DGKB: variants seen among roughly 807,000 people sequenced by gnomAD.
DGKB encodes 90 kDa diacylglycerol kinase.
DGKB carries 67 observed loss-of-function variants against 114.3 expected under a neutral mutation model. The observed-to-expected ratio is 0.59, with a 90% CI of 0.48 to 0.72. The LOEUF (loss-of-function observed/expected upper bound fraction) is 0.72. Ranked by LOEUF, DGKB falls within the 30% of genes least tolerant of loss-of-function variation. DGKB has a pLI of 0.00. For missense variants in DGKB, 907 were observed against 975.2 expected (o/e 0.93, Z 0.93); for synonymous variants, 398 against 323.1 (o/e 1.23, Z -2.49).
intron 23 of DGKB, among the ~76,000 whole-genome samples, chr7:14,218,261 C>G (rs1442556375): frequency 6.6e-6 from 1 of 152,038 alleles, no homozygotes; most frequent in Non-Finnish European, 1.5e-5. Context: ...ATTTTCCAAA[C>G]AGATCATACA....
intron 21 of DGKB, among the ~76,000 whole-genome samples, chr7:14,415,990 G>T (rs1825674128): frequency 6.6e-6 from 1 of 152,106 alleles, no homozygotes; most frequent in African/African-American, 2.4e-5. Flanking sequence ...GTATCTCATT[G>T]TGGTTTTGAT....
At chr7:14,817,196 C>T (rs1343761444) in intron 2 of DGKB, among the ~76,000 whole-genome samples, 1 of 152,064 alleles carries the variant, frequency 6.6e-6, no homozygotes. Flanking sequence ...GTTATGGTTG[C>T]CCCTAACACA....
chr7:14,382,771 T>C (rs1384101475), intron 21 of DGKB, among the ~76,000 whole-genome samples: 3 of 152,002 alleles, frequency 2.0e-5, no homozygotes, highest in Non-Finnish European at 4.4e-5. Flanking sequence ...TAACAGAGAG[T>C]GCTTGAAGAA....
chr7:14,731,038 C>T (rs1236227590), intron 5 of DGKB, among the ~76,000 whole-genome samples: 1 of 151,940 alleles, frequency 6.6e-6, no homozygotes, highest in Non-Finnish European at 1.5e-5. Context: ...ACTGGCAGAA[C>T]GTTTGGGAAG....
At position 14,373,604 on chromosome 7, in the gene DGKB, C is replaced by G. The variant is rs569357689; in HGVS notation, c.1836-28213G>C. Among the ~76,000 whole-genome samples, 18 of 152,142 alleles carry G rather than the reference C, an allele frequency of 1.2e-4. No individual in the cohort carries two copies. The South Asian group carries it at 3.7e-3, about 32-fold the overall frequency. The stretch of plus-strand genomic sequence containing the variant: ...TATTGGCTGATGCAAGAATAAAGCC[C>G]ATGAAAAAGAAAGGGAAGGGACAAC... On this transcript the variant is annotated intron_variant, in intron 21 of 25. Coordinates refer to ENST00000402815, the MANE Select transcript of DGKB (RefSeq NM_001350709.2).
At chr7:14,824,640 C>T (rs538041294) in intron 2 of DGKB, among the ~76,000 whole-genome samples, 1 of 152,120 alleles carries the variant, frequency 6.6e-6, no homozygotes, top group African/African-American at 2.4e-5. Flanking sequence ...TTTGCTTTGT[C>T]ACAGCACGTC....
intron 21 of DGKB, among the ~76,000 whole-genome samples, chr7:14,347,825 C>A (rs1812739604): frequency 6.6e-6 from 1 of 152,096 alleles, no homozygotes; most frequent in African/African-American, 2.4e-5. Flanking sequence ...TAATTAGCTT[C>A]ATTGTGATAA....
chr7:14,371,351 T>G (rs1817606843), intron 21 of DGKB, among the ~76,000 whole-genome samples: 1 of 152,194 alleles, frequency 6.6e-6, no homozygotes, highest in African/African-American at 2.4e-5. Context: ...TTTGACTTTT[T>G]AATTATAGCC....
chr7:14,367,501 C>T (rs1214341574), intron 21 of DGKB, among the ~76,000 whole-genome samples: 1 of 152,058 alleles, frequency 6.6e-6, no homozygotes, highest in East Asian at 1.9e-4. Flanking sequence ...GAGGCCTCCC[C>T]AGCCACATGG....
intron 2 of DGKB, among the ~76,000 whole-genome samples, chr7:14,762,000 C>T (rs1053788670): frequency 6.6e-6 from 1 of 152,110 alleles, no homozygotes; most frequent in Non-Finnish European, 1.5e-5. Context: ...CTATGCTTGG[C>T]TTGACTGGCA....
intron 15 of DGKB, among the ~76,000 whole-genome samples, chr7:14,620,250 T>G (rs892662648): frequency 6.6e-6 from 1 of 151,310 alleles, no homozygotes; most frequent in African/African-American, 2.4e-5. Flanking sequence ...AATTCCCTCC[T>G]TTTATATTTG....
At chr7:14,590,749 G>A (rs903468751) in intron 17 of DGKB, among the ~76,000 whole-genome samples, 4 of 152,030 alleles carry the variant, frequency 2.6e-5, no homozygotes, top group Admixed American at 2.6e-4. Flanking sequence ...ACACCACGTG[G>A]TTTGTTGGGC....
intron 1 of DGKB, among the ~76,000 whole-genome samples, chr7:14,860,122 TAAC>T (rs1850755644): frequency 6.6e-6 from 1 of 152,080 alleles, no homozygotes; most frequent in Admixed American, 6.6e-5. Flanking sequence ...TGATACACTC[TAAC>T]AACAATATGC....
chr7:14,842,902 T>C (rs1848129820), intron 1 of DGKB, among the ~76,000 whole-genome samples: 1 of 152,138 alleles, frequency 6.6e-6, no homozygotes, highest in African/African-American at 2.4e-5. Context: ...CAGAAGCTTG[T>C]GATATTCTTT....
chr7:14,333,333 T>C (rs1011556796), intron 23 of DGKB, among the ~76,000 whole-genome samples: 2 of 151,046 alleles, frequency 1.3e-5, no homozygotes, highest in Non-Finnish European at 3.0e-5. Context: ...TGGTGGCGGG[T>C]GCCTGCAGTC....
Position 14,696,999 on chromosome 7 carries a change from A to G in DGKB, c.591+1096T>C, listed in dbSNP as rs182031137. Among the ~76,000 whole-genome samples, 286 of 152,310 alleles carry G rather than the reference A, an allele frequency of 1.9e-3. 2 individuals are homozygous for G. The highest frequency in any genetic ancestry group is 6.6e-3 in the African/African-American group (276 of 41,552). On this transcript the variant is annotated intron_variant, in intron 8 of 25. Coordinates refer to ENST00000402815, the MANE Select transcript of DGKB (RefSeq NM_001350709.2). ...TAAAATGTAAAATCATTTAAATAAA[A>G]TTTATTTGCATTGCTTTATTCATAT...
At chr7:14,380,718 T>C (rs954812949) in intron 21 of DGKB, among the ~76,000 whole-genome samples, 7 of 152,198 alleles carry the variant, frequency 4.6e-5, no homozygotes, top group African/African-American at 1.2e-4. Context: ...TGAGGGTCTG[T>C]TGAGTGCAAA....
In DGKB at chr7:14,353,355, G is replaced by C. The variant is rs965075880; in HGVS notation, c.1836-7964C>G. ...AGCTGACTAATGGAACCTGAGGGAA[G>C]TATACCGTGGGCATCTAGGAAAGAT... is the stretch of plus-strand genomic sequence containing the variant. On this transcript the variant is annotated intron_variant, in intron 21 of 25. Transcript: ENST00000402815. 1.2e-4 allele frequency among the ~76,000 whole-genome samples: 19 copies of C among 152,312 alleles called. No homozygotes were observed. The East Asian group carries it at 3.7e-3, about 29-fold the overall frequency.
At chr7:14,577,256 A>C (rs16878221) in intron 19 of DGKB, among the ~76,000 whole-genome samples, 22,097 of 152,160 alleles carry the variant, frequency 0.15, 1,740 homozygotes, top group East Asian at 0.31. Context: ...TAATGACTGA[A>C]TCTAAAAAGT....
Sources: gnomAD v4.1 joint callset for allele counts (sites outside exome capture counted in the v4.1 genomes callset) on GRCh38, gnomAD v4.1.1 for gene constraint, MANE v1.5 for transcripts, NCBI Gene and HGNC (gene_info 2026-07-23, HGNC 2026-07-21) for gene names.